Variants in DAP3 observed in about 807,000 individuals in gnomAD.
DAP3 encodes the protein small ribosomal subunit protein mS29.
Under a neutral mutation model 51.9 loss-of-function variants are expected in DAP3, and 28 were observed. That is an observed-to-expected ratio of 0.54 (90% CI 0.40 to 0.74). The LOEUF (loss-of-function observed/expected upper bound fraction) is 0.74. Ranked by LOEUF, DAP3 falls within the 30% of genes least tolerant of loss-of-function variation. DAP3 has a pLI of 0.00. For synonymous variants in DAP3, 170 were observed against 170.3 expected (o/e 1.00, Z 0.01); for missense variants, 458 against 483.5 (o/e 0.95, Z 0.49).
chr1:155,719,622 C>T (rs1657757785), intron 3 of DAP3, among the ~76,000 whole-genome samples: 2 of 151,918 alleles, frequency 1.3e-5, no homozygotes, highest in African/African-American at 2.4e-5. Context: ...GATCTTGGCT[C>T]CCTGCATCCT....
upstream of DAP3, chr1:155,688,412 C>T: frequency 6.5e-7 from 1 of 1,545,246 alleles, no homozygotes; most frequent in East Asian, 2.5e-5. Flanking sequence ...CCTCCCACTC[C>T]TCCCTCCTCG....
rs542793313 is a variant in DAP3, at chr1:155,725,628, C to T, written c.379+138C>T. On this transcript the variant is annotated intron_variant, in intron 5 of 12. Transcript: ENST00000368336. ...CTATAATCCCAGGAGTTTGGGAAGCCGAGGCAGGCGTATCGCCTGAAGTCA... is the reference window on the plus strand; with the variant it reads ...CTATAATCCCAGGAGTTTGGGAAGCTGAGGCAGGCGTATCGCCTGAAGTCA... 25 of 825,094 alleles carry T rather than the reference C, an allele frequency of 3.0e-5. No homozygotes were observed. The East Asian group carries it at 3.4e-4, about 11-fold the overall frequency. 51.1% of individuals were successfully genotyped at this position (825,094 alleles called of 1,614,324 possible). A position where few individuals can be genotyped will look rare whatever the true frequency, so the allele number is the denominator to read the frequency against.
intron 1 of DAP3, among the ~76,000 whole-genome samples, chr1:155,691,867 G>A (rs1321750913): frequency 1.4e-5 from 2 of 141,186 alleles, no homozygotes; most frequent in East Asian, 1.9e-4. Flanking sequence ...TAGGGTATCC[G>A]AAGTCCGGTG....
Position 155,729,104 on chromosome 1 carries a change from G to A in DAP3, c.666G>A (p.Leu222=), listed in dbSNP as rs367821120. 2.2e-5 allele frequency: 35 copies of A among 1,614,010 alleles called. No homozygotes were observed. In the African/African-American group the frequency reaches 4.0e-4, roughly 18 times the overall value. Residue 222 remains leucine (L), a synonymous_variant, in exon 8 of 13, where the codon CTG becomes CTA. Transcript: ENST00000368336. ...AAAGCACTGAGAAAGGGAGTCCTCT[G>A]GGAGAAGTGGTTGAACAGGTATAAG... ...KRESTEKGSP[L]GEVVEQGITR...
intron 1 of DAP3, among the ~76,000 whole-genome samples, chr1:155,708,482 T>G (rs1656265786): frequency 6.6e-6 from 1 of 152,112 alleles, no homozygotes; most frequent in African/African-American, 2.4e-5. Flanking sequence ...ATGTAATGTT[T>G]CGCAGCCTAT....
intron 1 of DAP3, among the ~76,000 whole-genome samples, chr1:155,698,417 C>T (rs1159807665): frequency 6.6e-6 from 1 of 152,156 alleles, no homozygotes; most frequent in Non-Finnish European, 1.5e-5. Context: ...ATGGCTTCAG[C>T]CGGTCCCTCT....
At chr1:155,688,991 G>T (rs369751610), upstream of DAP3, 3,738 of 1,603,450 alleles carry the variant, frequency 2.3e-3, 8 homozygotes, top group Non-Finnish European at 3.0e-3. Flanking sequence ...CCGCGGCGAG[G>T]GGATCGAGGG....
rs774965124 is a variant in DAP3, at chr1:155,727,771, AG to A, written c.603+34del. The A allele has an allele frequency of 2.2e-4, 348 of 1,606,704 alleles. 1 individual carries two copies. In the African/African-American group the frequency reaches 4.1e-3, roughly 19 times the overall value. On this transcript the variant is annotated intron_variant, in intron 7 of 12. Coordinates refer to ENST00000368336, the MANE Select transcript of DAP3 (RefSeq NM_004632.4). Reference sequence around the variant, plus strand: ...GACTCCCAGAAGTTGAGTGCTAGGTAGTCCTTACATGGATTCTTTGTGCCCT... The same window carrying A: ...GACTCCCAGAAGTTGAGTGCTAGGTATCCTTACATGGATTCTTTGTGCCCT...
rs762474982 is a variant in DAP3, at chr1:155,702,777, T to C, written c.-7-6996T>C. Among the ~76,000 whole-genome samples, 720 of 152,270 alleles carry C rather than the reference T, an allele frequency of 4.7e-3. 3 individuals are homozygous for C. The highest frequency in any genetic ancestry group is 7.9e-3 in the Non-Finnish European group (539 of 68,008). On this transcript the variant is annotated intron_variant, in intron 1 of 12. Coordinates refer to ENST00000368336, the MANE Select transcript of DAP3 (RefSeq NM_004632.4). ...TGAGGTCAGGAGGTGAAGACCAGCCTGGCCAAGATGGCGAAACTCCGTCTT... is the reference window on the plus strand; with the variant it reads ...TGAGGTCAGGAGGTGAAGACCAGCCCGGCCAAGATGGCGAAACTCCGTCTT...
At chr1:155,736,829 A>C in intron 11 of DAP3, 117 bp from the exon 12 acceptor site, 1 of 843,304 alleles carries the variant, frequency 1.2e-6, no homozygotes, top group Non-Finnish European at 2.0e-6. Context: ...GAGAATGAGA[A>C]GTAGAGTTAC....
chr1:155,697,140 A>T (rs2149113887), intron 1 of DAP3, among the ~76,000 whole-genome samples: 1 of 152,304 alleles, frequency 6.6e-6, no homozygotes, highest in African/African-American at 2.4e-5. Context: ...GGGAGCGGCC[A>T]CTGTTCGACC....
Position 155,738,493 on chromosome 1 carries a change from A to T in DAP3, c.*251A>T. Reference sequence around the variant, plus strand: ...GTGGTTTTTCACATTTAAGATAATTATGGCTCTTTTCCTAAAAAATAAAAT... The same window carrying T: ...GTGGTTTTTCACATTTAAGATAATTTTGGCTCTTTTCCTAAAAAATAAAAT... On this transcript the variant is annotated 3_prime_UTR_variant, in exon 13 of 13. Coordinates refer to ENST00000368336, the MANE Select transcript of DAP3 (RefSeq NM_004632.4). The T allele has an allele frequency of 2.4e-6, 1 of 416,844 alleles. No homozygotes were observed. Among genetic ancestry groups the T allele is most frequent in the Non-Finnish European group, 4.3e-6 (1 of 235,008 alleles). 25.8% of individuals were successfully genotyped at this position (416,844 alleles called of 1,614,324 possible).
At chr1:155,688,093 G>C, upstream of DAP3, 1 of 1,595,756 alleles carries the variant, frequency 6.3e-7, no homozygotes, top group East Asian at 2.2e-5. Flanking sequence ...CGAGAGCGAT[G>C]AGAGTACAGG....
At chr1:155,697,791 G>T (rs1433384554) in intron 1 of DAP3, among the ~76,000 whole-genome samples, 2 of 152,094 alleles carry the variant, frequency 1.3e-5, no homozygotes, top group African/African-American at 4.8e-5. Context: ...ACTAGAATTC[G>T]CCAGGCTGGA....
intron 3 of DAP3, among the ~76,000 whole-genome samples, chr1:155,720,130 C>T (rs564001240): frequency 6.7e-6 from 1 of 149,778 alleles, no homozygotes; most frequent in South Asian, 2.1e-4. Flanking sequence ...CAAGACCAAC[C>T]TGGGCAACAT....
intron 1 of DAP3, among the ~76,000 whole-genome samples, chr1:155,703,371 T>G (rs2149130760): frequency 6.6e-6 from 1 of 152,238 alleles, no homozygotes; most frequent in East Asian, 1.9e-4. Context: ...AACACCTTAT[T>G]AAATTATTAG....
chr1:155,706,815 G>A (rs753511893), intron 1 of DAP3, among the ~76,000 whole-genome samples: 2 of 151,494 alleles, frequency 1.3e-5, no homozygotes, highest in Admixed American at 6.6e-5. Context: ...CAAGGGGGCC[G>A]GGTGTGGTAA....
intron 1 of DAP3, among the ~76,000 whole-genome samples, chr1:155,704,408 C>G (rs1655697030): frequency 6.6e-6 from 1 of 152,192 alleles, no homozygotes; most frequent in Non-Finnish European, 1.5e-5. Context: ...CCTTCCTCTC[C>G]AGTACCCAGC....
chr1:155,732,058 C>T, intron 11 of DAP3, 25 bp downstream of exon 11: 1 of 1,581,504 alleles, frequency 6.3e-7, no homozygotes, highest in Non-Finnish European at 8.6e-7. Flanking sequence ...AAATTTGTTT[C>T]TACTTAGATT....
Sources: allele counts gnomAD v4.1 joint callset (sites outside exome capture counted in the v4.1 genomes callset), GRCh38; gene constraint gnomAD v4.1.1; transcripts MANE v1.5; gene names NCBI Gene and HGNC (gene_info 2026-07-23, HGNC 2026-07-21).